Variants in EYS observed in about 807,000 individuals in gnomAD.
The protein encoded by EYS is EGF-like photoreceptor maintenance factor, also known as protein eyes shut homolog.
A neutral mutation model predicts 282.1 loss-of-function variants in EYS; 250 were observed. That is an observed-to-expected ratio of 0.89 (90% CI 0.80 to 0.98). The LOEUF (loss-of-function observed/expected upper bound fraction) is 0.98, where lower values mean the gene tolerates loss of function less well. Ranked by LOEUF, EYS falls within the 50% of genes least tolerant of loss-of-function variation. The probability of loss-of-function intolerance (pLI) is 0.00; values close to 1 mark genes in which losing one functional copy is unlikely to be tolerated. For synonymous variants in EYS, 1,355 were observed against 1,282.9 expected, an observed-to-expected ratio of 1.06 and a Z score of -1.20; for missense variants, 4,016 against 3,709.0, an observed-to-expected ratio of 1.08 and a Z score of -2.15.
intron 22 of EYS, among the ~76,000 whole-genome samples, chr6:64,668,696 C>T (rs1044745323): frequency 1.4e-4 from 21 of 151,822 alleles, no homozygotes; most frequent in Non-Finnish European, 2.9e-5. Context: ...TCCCAAGTAG[C>T]TGGGACTACA....
chr6:64,579,606 T>C (rs2149823248), intron 26 of EYS, among the ~76,000 whole-genome samples: 1 of 152,218 alleles, frequency 6.6e-6, no homozygotes, highest in South Asian at 2.1e-4. Context: ...TTCCTCCTTA[T>C]AAATGTCCTC....
chr6:65,341,788 C>T (rs1372785453), intron 10 of EYS, among the ~76,000 whole-genome samples: 2 of 151,244 alleles, frequency 1.3e-5, no homozygotes, highest in African/African-American at 4.8e-5. Context: ...TTTACATCTA[C>T]CAGAATCTAG....
chr6:63,959,946 A>C (rs1169468098), intron 35 of EYS, among the ~76,000 whole-genome samples: 1 of 152,112 alleles, frequency 6.6e-6, no homozygotes. Flanking sequence ...TGATAGGTGC[A>C]GCAAACCACC....
intron 33 of EYS, among the ~76,000 whole-genome samples, chr6:64,002,462 G>A (rs1322088714): frequency 1.3e-5 from 2 of 152,194 alleles, no homozygotes; most frequent in Admixed American, 6.5e-5. Context: ...AGATAGCAAA[G>A]CTAAAGGAGC....
chr6:63,946,612 G>A (rs1357448458), intron 35 of EYS, among the ~76,000 whole-genome samples: 1 of 151,922 alleles, frequency 6.6e-6, no homozygotes, highest in East Asian at 1.9e-4. Context: ...TACAAAATTG[G>A]TTTACACAAG....
intron 35 of EYS, among the ~76,000 whole-genome samples, chr6:63,916,872 G>A (rs903462889): frequency 6.6e-6 from 1 of 152,200 alleles, no homozygotes; most frequent in Non-Finnish European, 1.5e-5. Context: ...AATGAAACAT[G>A]CAGTGACAGT....
chr6:64,963,979 T>C (rs904046882), intron 14 of EYS, among the ~76,000 whole-genome samples: 1 of 152,118 alleles, frequency 6.6e-6, no homozygotes, highest in South Asian at 2.1e-4. Context: ...TACCTACTTT[T>C]AAGCAATAGG....
intron 26 of EYS, among the ~76,000 whole-genome samples, chr6:64,513,345 C>T (rs16895406): frequency 0.043 from 6,487 of 151,960 alleles, 349 homozygotes; most frequent in African/African-American, 0.12. Flanking sequence ...AACCCTGTTG[C>T]TGTTCATTGG....
At chr6:65,148,518 C>A (rs534289885) in intron 12 of EYS, among the ~76,000 whole-genome samples, 1 of 152,110 alleles carries the variant, frequency 6.6e-6, no homozygotes. Context: ...GGGTACCGTG[C>A]CCCTCCTGGC....
At position 64,593,239 on chromosome 6, in the gene EYS, C is replaced by G. The variant is rs1180776588; in HGVS notation, c.3755G>C (p.Arg1252Thr). ...TGTCTGTGTGGAAATGGGATCTGTT[C>G]TTTGAAAGATGGGAGTTAAACAGGT... ...RITCLTPIFQ[R>T]TDPISTQTYT... is the part of the protein sequence containing the mutation. The change falls in exon 25 of 43, where the codon AGA becomes ACA. Residue 1252 changes from arginine to threonine, a missense_variant. Arg to Thr is a moderately conservative substitution (Grantham distance 71). Coordinates refer to ENST00000503581, the MANE Select transcript of EYS (RefSeq NM_001142800.2). The G allele has an allele frequency of 6.4e-7, 1 of 1,550,456 alleles. No homozygotes were observed. Among genetic ancestry groups the G allele is most frequent in the Admixed American group, 2.0e-5 (1 of 50,884 alleles).
intron 28 of EYS, among the ~76,000 whole-genome samples, chr6:64,410,249 G>T (rs1260007588): frequency 6.6e-6 from 1 of 152,126 alleles, no homozygotes; most frequent in Non-Finnish European, 1.5e-5. Context: ...CCTGATGGCT[G>T]ATGGAAACTC....
intron 26 of EYS, among the ~76,000 whole-genome samples, chr6:64,573,822 TTGG>T (rs1487047488): frequency 6.6e-6 from 1 of 152,172 alleles, no homozygotes; most frequent in Non-Finnish European, 1.5e-5. Flanking sequence ...TTTTACACTG[TTGG>T]TGGGCGTGTA....
chr6:63,990,811 G>GA (rs951053199), intron 34 of EYS, among the ~76,000 whole-genome samples: 1 of 151,476 alleles, frequency 6.6e-6, no homozygotes, highest in East Asian at 1.9e-4. Context: ...GGACTGCTGA[G>GA]AAAAAAAGAG....
chr6:64,831,375 A>G (rs9453080), intron 19 of EYS, among the ~76,000 whole-genome samples: 1 of 151,798 alleles, frequency 6.6e-6, no homozygotes, highest in African/African-American at 2.4e-5. Flanking sequence ...ATTAACAATC[A>G]TTTGCTAATA....
chr6:65,141,419 C>G (rs530844498), intron 12 of EYS, among the ~76,000 whole-genome samples: 54 of 151,788 alleles, frequency 3.6e-4, no homozygotes, highest in Non-Finnish European at 6.0e-4. Flanking sequence ...GTGCAGCACA[C>G]CAGCGTGGCA....
chr6:65,645,801 G>A (rs1767430332), intron 1 of EYS, among the ~76,000 whole-genome samples: 1 of 152,036 alleles, frequency 6.6e-6, no homozygotes, highest in Non-Finnish European at 1.5e-5. Flanking sequence ...AAGAAAAGAA[G>A]AGAGAAGTTT....
intron 1 of EYS, among the ~76,000 whole-genome samples, chr6:65,688,554 C>T (rs1177972907): frequency 6.6e-6 from 1 of 151,818 alleles, no homozygotes; most frequent in Non-Finnish European, 1.5e-5. Context: ...GCAACAAAAG[C>T]CAAAATTGAC....
intron 29 of EYS, among the ~76,000 whole-genome samples, chr6:64,360,354 C>G (rs1771962630): frequency 6.6e-6 from 1 of 151,678 alleles, no homozygotes; most frequent in Non-Finnish European, 1.5e-5. Flanking sequence ...ACGCTACACC[C>G]CTAAACTGAA....
chr6:65,306,961 T>G (rs1582125354), intron 11 of EYS, among the ~76,000 whole-genome samples: 1 of 143,846 alleles, frequency 7.0e-6, no homozygotes, highest in African/African-American at 2.5e-5. Context: ...TTAAGCGTAT[T>G]TTTAAGTTTG....
Sources: gnomAD v4.1 joint callset for allele counts (sites outside exome capture counted in the v4.1 genomes callset) on GRCh38, gnomAD v4.1.1 for gene constraint, MANE v1.5 for transcripts, NCBI Gene and HGNC (gene_info 2026-07-23, HGNC 2026-07-21) for gene names.